ZNF518A: variants seen among roughly 807,000 people sequenced by gnomAD.
The protein encoded by ZNF518A is zinc finger protein 518A, also known as zinc finger protein 518.
A neutral mutation model predicts 102.7 loss-of-function variants in ZNF518A; 47 were observed. The ratio of observed to expected loss-of-function variants is 0.46; its 90% CI spans 0.36 to 0.58. The LOEUF is 0.58. Ranked by LOEUF, ZNF518A falls within the 20% of genes least tolerant of loss-of-function variation. The probability of loss-of-function intolerance (pLI) is 0.00; values close to 1 mark genes in which losing one functional copy is unlikely to be tolerated. For missense variants in ZNF518A, 1,793 were observed against 1,699.8 expected (o/e 1.05, Z -0.96); for synonymous variants, 652 against 594.6 (o/e 1.10, Z -1.40).
rs781958148 is a variant in ZNF518A, at chr10:96,192,095, A to G, written n.36-11479A>G. 2.5e-6 allele frequency: 4 copies of G among 1,613,438 alleles called. No homozygotes were observed. The highest frequency in any genetic ancestry group is 3.4e-6 in the Non-Finnish European group (4 of 1,179,684). On this transcript the variant is annotated intron_variant and non_coding_transcript_variant, in intron 1 of 2. Coordinates refer to the ZNF518A transcript ENST00000442635. ...ATTTCAGCAACACTTCCAAAGTACT[A>G]GAGGAAGAAAACATAGATGAATTAT...
chr10:96,196,755 T>C (rs1280051632), intron 1 of ZNF518A, among the ~76,000 whole-genome samples: 5 of 152,234 alleles, frequency 3.3e-5, no homozygotes, highest in Admixed American at 6.5e-5. Flanking sequence ...TGCCTAAATA[T>C]AGTATTTTAT....
chr10:96,142,306 GTGTGTGTGT>G (rs782757966), intron 3 of ZNF518A, among the ~76,000 whole-genome samples: 1 of 85,660 alleles, frequency 1.2e-5, no homozygotes, highest in Admixed American at 1.1e-4. Flanking sequence ...TATTCTTAGG[GTGTGTGTGT>G]GTGTGTGTGT....
chr10:96,174,666 C>T (rs1196311741), intron 1 of ZNF518A, among the ~76,000 whole-genome samples: 1 of 151,808 alleles, frequency 6.6e-6, no homozygotes, highest in Non-Finnish European at 1.5e-5. Flanking sequence ...TGAAATGATA[C>T]CACAAAAATT....
Position 96,160,105 on chromosome 10 carries a change from T to G in ZNF518A, c.3783T>G (p.His1261Gln). 1 of 1,610,726 alleles carries G rather than the reference T, an allele frequency of 6.2e-7. No homozygotes were observed. Among genetic ancestry groups the G allele is most frequent in the Non-Finnish European group, 8.5e-7 (1 of 1,179,036 alleles). ...SKKIFSKTKT[H>Q]GSKDSETAFV... ...AAATTTTTTCAAAAACAAAAACTCATGGAAGTAAAGACTCTGAAACTGCCT... is the reference window on the plus strand; with the variant it reads ...AAATTTTTTCAAAAACAAAAACTCAGGGAAGTAAAGACTCTGAAACTGCCT... Residue 1261 changes from histidine (H) to glutamine (Q), a missense_variant, in exon 6 of 6, where the codon CAT becomes CAG. His to Gln is a conservative substitution (Grantham distance 24). Transcript: ENST00000316045.
At chr10:96,172,143 G>T (rs34844027) in intron 1 of ZNF518A, among the ~76,000 whole-genome samples, 1 of 151,890 alleles carries the variant, frequency 6.6e-6, no homozygotes, top group Non-Finnish European at 1.5e-5. Flanking sequence ...AAATGATGTC[G>T]AGAATAATTT....
intron 1 of ZNF518A, among the ~76,000 whole-genome samples, chr10:96,192,314 T>C (rs1332150465): frequency 2.0e-5 from 3 of 150,304 alleles, no homozygotes; most frequent in Non-Finnish European, 4.4e-5. Flanking sequence ...CAGCCTCAAT[T>C]AGCATAGCTA....
At chr10:96,145,168 C>T (rs1339766179) in intron 3 of ZNF518A, among the ~76,000 whole-genome samples, 4 of 152,084 alleles carry the variant, frequency 2.6e-5, no homozygotes, top group Non-Finnish European at 5.9e-5. Flanking sequence ...CTCCTGGGTT[C>T]AAGCGATTTT....
rs1311483923 is a variant in ZNF518A, at chr10:96,163,666, C to T, written c.*2892C>T. 10 of 166,664 alleles carry T rather than the reference C, an allele frequency of 6.0e-5. No homozygotes were observed. The highest frequency in any genetic ancestry group is 1.5e-5 in the Non-Finnish European group (1 of 68,024). The allele number at this position is 166,664 out of a possible 1,614,324, so 10.3% of individuals were successfully genotyped here. On this transcript the variant is annotated 3_prime_UTR_variant, in exon 6 of 6. Coordinates refer to ENST00000316045, the MANE Select transcript of ZNF518A (RefSeq NM_001330736.2). The stretch of plus-strand genomic sequence containing the variant: ...GCTTCGTAGGCCTTCTAGTTTCTGT[C>T]CTAACTACTCAATTCTCATAATGCA...
intron 1 of ZNF518A, among the ~76,000 whole-genome samples, chr10:96,132,274 G>C (rs1279229374): frequency 6.6e-6 from 1 of 151,264 alleles, no homozygotes; most frequent in Admixed American, 6.6e-5. Context: ...GTATTGTGGT[G>C]GTAGGATAAC....
downstream of ZNF518A, among the ~76,000 whole-genome samples, chr10:96,165,952 T>A (rs2083136650): frequency 6.6e-6 from 1 of 152,050 alleles, no homozygotes; most frequent in African/African-American, 2.4e-5. Flanking sequence ...TCCAGAAGCC[T>A]CAGAACCAGG....
rs1224891720 is a variant in ZNF518A, at chr10:96,130,385, C to T, written c.-820C>T. ...TAGAGCTTACCCTTACTTTCTTAAC[C>T]TGGGGTTGTTTTACTTCCGGGCTTT... On this transcript the variant is annotated 5_prime_UTR_variant, in exon 1 of 6. Transcript: ENST00000316045. 1.3e-5 allele frequency among the ~76,000 whole-genome samples: 2 copies of T among 152,252 alleles called. No individual in the cohort carries two copies. Among genetic ancestry groups the T allele is most frequent in the African/African-American group, 4.8e-5 (2 of 41,468 alleles).
At chr10:96,195,361 C>T (rs587673291) in intron 1 of ZNF518A, among the ~76,000 whole-genome samples, 35 of 152,296 alleles carry the variant, frequency 2.3e-4, no homozygotes, top group African/African-American at 8.2e-4. Context: ...TTTGCACACC[C>T]GTGTTTATAG....
chr10:96,201,676 A>G (rs1554896185), intron 1 of ZNF518A, among the ~76,000 whole-genome samples: 1 of 152,012 alleles, frequency 6.6e-6, no homozygotes, highest in African/African-American at 2.4e-5. Flanking sequence ...TCAGGCATCA[A>G]CTCCCTCAAA....
chr10:96,200,287 G>A lies in ZNF518A; in HGVS notation n.36-3287G>A. On this transcript the variant is annotated intron_variant and non_coding_transcript_variant, in intron 1 of 2. Transcript: ENST00000442635. This position sits in a 1 kb window ranked among gnomAD's most constrained non-coding sequence, Gnocchi z 4.3. ...ACATTTACACCAATAATTTTAAGAT[G>A]AGTTTTATTTTTCCTTTGATCAAAC... The A allele has an allele frequency of 1.6e-6, 1 of 641,586 alleles. No individual in the cohort carries two copies. 39.7% of individuals were successfully genotyped at this position (641,586 alleles called of 1,614,324 possible). A position where few individuals can be genotyped will look rare whatever the true frequency, so the allele number is the denominator to read the frequency against.
chr10:96,159,340 G>A lies in ZNF518A; in HGVS notation c.3018G>A (p.Lys1006=). The part of the protein sequence containing the change: ...EGAPARGTVT[K]EPCKTPILKV... ...CCCCAGCTCGTGGAACTGTGACTAA[G>A]GAGCCTTGCAAAACACCTATTTTGA... Residue 1006 remains lysine (K), a synonymous_variant, in exon 6 of 6, where the codon AAG becomes AAA. Transcript: ENST00000316045. 1 of 1,613,738 alleles carries A rather than the reference G, an allele frequency of 6.2e-7. No individual in the cohort carries two copies. The highest frequency in any genetic ancestry group is 8.5e-7 in the Non-Finnish European group (1 of 1,179,752).
At chr10:96,175,886 CCTTCCTT>C (rs2083201269) in intron 1 of ZNF518A, among the ~76,000 whole-genome samples, 1 of 51,504 alleles carries the variant, frequency 1.9e-5, no homozygotes, top group Non-Finnish European at 4.9e-5. Flanking sequence ...TCCCTTCCTT[CCTTCCTT>C]CCTTCCTTCC....
intron 3 of ZNF518A, among the ~76,000 whole-genome samples, chr10:96,150,544 T>TG (rs1440231925): frequency 5.8e-5 from 7 of 121,494 alleles, no homozygotes; most frequent in South Asian, 4.9e-4. Context: ...CAGATCTTTT[T>TG]GGAAAAAAAA....
chr10:96,154,414 C>T (rs1554881444), intron 3 of ZNF518A, among the ~76,000 whole-genome samples: 2 of 151,592 alleles, frequency 1.3e-5, no homozygotes, highest in Non-Finnish European at 2.9e-5. Context: ...TTTCTCCTCC[C>T]TCCCTCCCTC....
At chr10:96,146,702 G>C (rs1554878643) in intron 3 of ZNF518A, among the ~76,000 whole-genome samples, 1 of 152,170 alleles carries the variant, frequency 6.6e-6, no homozygotes, top group African/African-American at 2.4e-5. Flanking sequence ...AGAAACAGAA[G>C]CTCCTTTCCT....
Sources: gnomAD v4.1 joint callset for allele counts (sites outside exome capture counted in the v4.1 genomes callset) on GRCh38, gnomAD v4.1.1 for gene constraint, Gnocchi (gnomAD v3.1) non-coding constraint, MANE v1.5 for transcripts, NCBI Gene and HGNC (gene_info 2026-07-23, HGNC 2026-07-21) for gene names.